ATP10B: variants seen among roughly 807,000 people sequenced by gnomAD.
ATP10B encodes the protein ATPase phospholipid transporting 10B (putative).
ATP10B carries 122 observed loss-of-function variants against 141.2 expected under a neutral mutation model. That is an observed-to-expected ratio of 0.86 (90% CI 0.75 to 1.00). The LOEUF (loss-of-function observed/expected upper bound fraction) is 1.00, where lower values mean the gene tolerates loss of function less well. Ranked by LOEUF, ATP10B falls within the 50% of genes least tolerant of loss-of-function variation. The pLI is 0.00. For missense variants in ATP10B, 1,876 were observed against 1,825.3 expected (o/e 1.03, Z -0.51); for synonymous variants, 685 against 692.0 (o/e 0.99, Z 0.16).
rs115930319 is a variant in ATP10B, at chr5:160,823,850, T to A, written c.-576+28091A>T. 5.9e-3 allele frequency among the ~76,000 whole-genome samples: 892 copies of A among 151,840 alleles called. 12 individuals carry two copies. Among genetic ancestry groups the A allele is most frequent in the African/African-American group, 0.021 (850 of 41,422 alleles). Reference sequence around the variant, plus strand: ...CTCCGTCTCCAAAAAACAAACAAAATAACATATTTCATATAGCCCGTAAAT... The same window carrying A: ...CTCCGTCTCCAAAAAACAAACAAAAAAACATATTTCATATAGCCCGTAAAT... On this transcript the variant is annotated intron_variant, in intron 1 of 25. Coordinates refer to ENST00000327245, the MANE Select transcript of ATP10B (RefSeq NM_025153.3).
the ATP10B span, among the ~76,000 whole-genome samples, chr5:160,906,786 G>A: frequency 3.0e-4 from 45 of 152,276 alleles, no homozygotes; most frequent in Non-Finnish European, 5.7e-4. Flanking sequence ...TTGTCATCTT[G>A]TGACGATAAG....
chr5:160,904,134 T>G, the ATP10B span, among the ~76,000 whole-genome samples: 1 of 151,170 alleles, frequency 6.6e-6, no homozygotes, highest in East Asian at 1.9e-4. Flanking sequence ...TGTTTTTTGT[T>G]TTTTTTTTAC....
intron 2 of ATP10B, among the ~76,000 whole-genome samples, chr5:160,740,612 C>T (rs1395300593): frequency 6.6e-6 from 1 of 152,122 alleles, no homozygotes; most frequent in African/African-American, 2.4e-5. Context: ...CTAAACAATC[C>T]CAGTACTAGA....
At chr5:160,782,889 A>G (rs1770821126) in intron 2 of ATP10B, among the ~76,000 whole-genome samples, 1 of 152,142 alleles carries the variant, frequency 6.6e-6, no homozygotes, top group Non-Finnish European at 1.5e-5. Flanking sequence ...TCACTATGTA[A>G]CATTGTATTC....
chr5:160,887,077 T>C, the ATP10B span, among the ~76,000 whole-genome samples: 3 of 152,192 alleles, frequency 2.0e-5, no homozygotes, highest in Non-Finnish European at 4.4e-5. Flanking sequence ...CAAACTCTAA[T>C]GTAATTGAGC....
chr5:160,618,770 C>T (rs149196847), intron 15 of ATP10B, among the ~76,000 whole-genome samples: 2,326 of 152,254 alleles, frequency 0.015, 26 homozygotes, highest in Middle Eastern at 0.075. Flanking sequence ...GCCATCAGCA[C>T]TTCCTTTATC....
intron 2 of ATP10B, among the ~76,000 whole-genome samples, chr5:160,729,566 A>C (rs925863644): frequency 6.6e-6 from 1 of 152,150 alleles, no homozygotes; most frequent in African/African-American, 2.4e-5. Flanking sequence ...GTAGCGGTAC[A>C]AGCAAAGATT....
chr5:160,652,843 A>C (rs1760882412), intron 7 of ATP10B, among the ~76,000 whole-genome samples: 1 of 102,064 alleles, frequency 9.8e-6, no homozygotes, highest in South Asian at 2.6e-4. Flanking sequence ...AATATATATT[A>C]TAAAAAGATT....
intron 7 of ATP10B, among the ~76,000 whole-genome samples, chr5:160,663,832 G>C (rs1248661103): frequency 6.6e-6 from 1 of 151,962 alleles, no homozygotes; most frequent in African/African-American, 2.4e-5. Context: ...ACAAACCAAA[G>C]AACTATGCCC....
At chr5:160,566,769 C>T (rs1022522946) in intron 25 of ATP10B, among the ~76,000 whole-genome samples, 1 of 152,182 alleles carries the variant, frequency 6.6e-6, no homozygotes, top group Non-Finnish European at 1.5e-5. Context: ...CATCCACTTT[C>T]CAGATGTCTG....
At chr5:160,780,555 T>C (rs1308673434) in intron 2 of ATP10B, among the ~76,000 whole-genome samples, 2 of 152,294 alleles carry the variant, frequency 1.3e-5, no homozygotes, top group East Asian at 3.9e-4. Flanking sequence ...TTCACTTCTA[T>C]CTGTGCATCT....
chr5:160,874,395 G>A, the ATP10B span, among the ~76,000 whole-genome samples: 4 of 152,214 alleles, frequency 2.6e-5, no homozygotes, highest in East Asian at 1.9e-4. Context: ...CATCACCATC[G>A]TCAAAGACCA....
chr5:160,887,689 A>G, the ATP10B span, among the ~76,000 whole-genome samples: 14 of 152,260 alleles, frequency 9.2e-5, no homozygotes, highest in East Asian at 1.7e-3. Flanking sequence ...CTTTGGATAC[A>G]TGGATCACAA....
At chr5:160,729,079 C>T (rs913935814) in intron 2 of ATP10B, among the ~76,000 whole-genome samples, 1 of 152,180 alleles carries the variant, frequency 6.6e-6, no homozygotes, top group Admixed American at 6.5e-5. Context: ...CTCTTGGCCT[C>T]AGTTTGCACA....
At chr5:160,661,845 AG>A (rs1761936474) in intron 7 of ATP10B, among the ~76,000 whole-genome samples, 1 of 152,220 alleles carries the variant, frequency 6.6e-6, no homozygotes, top group South Asian at 2.1e-4. Context: ...TTAGGAAAAG[AG>A]GAAGTCAAAT....
At chr5:160,889,157 T>G in the ATP10B span, among the ~76,000 whole-genome samples, 1 of 152,260 alleles carries the variant, frequency 6.6e-6, no homozygotes, top group Non-Finnish European at 1.5e-5. Flanking sequence ...TCTTTGGACA[T>G]TGGTCCCAAT....
At chr5:160,722,408 T>G (rs1047343902) in intron 2 of ATP10B, among the ~76,000 whole-genome samples, 1 of 152,200 alleles carries the variant, frequency 6.6e-6, no homozygotes, top group African/African-American at 2.4e-5. Context: ...TCTGCCTATA[T>G]TCTTCCCACT....
chr5:160,731,854 C>T (rs568469669), intron 2 of ATP10B, among the ~76,000 whole-genome samples: 7 of 152,072 alleles, frequency 4.6e-5, no homozygotes, highest in Non-Finnish European at 8.8e-5. Context: ...GAGCCACTGC[C>T]CACCCAAAAA....
chr5:160,595,131 A>G (rs1756586956), intron 22 of ATP10B, among the ~76,000 whole-genome samples: 1 of 152,230 alleles, frequency 6.6e-6, no homozygotes, highest in African/African-American at 2.4e-5. Context: ...AACTGACCAC[A>G]TAGTTGGAAG....
Sources: gnomAD v4.1 joint callset for allele counts (sites outside exome capture counted in the v4.1 genomes callset) on GRCh38, gnomAD v4.1.1 for gene constraint, MANE v1.5 for transcripts, NCBI Gene and HGNC (gene_info 2026-07-23, HGNC 2026-07-21) for gene names.